CSMD1: variants seen among roughly 807,000 people sequenced by gnomAD.
CSMD1 encodes CUB and Sushi multiple domains 1, also known as CUB and sushi domain-containing protein 1.
CSMD1 carries 213 observed loss-of-function variants against 417.5 expected under a neutral mutation model. The ratio of observed to expected loss-of-function variants is 0.51; its 90% confidence interval spans 0.46 to 0.57. The LOEUF (loss-of-function observed/expected upper bound fraction) is 0.57. CSMD1 is among the 20% of genes least tolerant of loss of function. CSMD1 has a pLI of 0.00. For missense variants in CSMD1, 6,923 were observed against 4,529.7 expected, an observed-to-expected ratio of 1.53 and a Z score of -15.17; for synonymous variants, 2,862 against 1,736.8, an observed-to-expected ratio of 1.65 and a Z score of -16.11.
chr8:3,002,627 T>C (rs1272458827), intron 52 of CSMD1, among the ~76,000 whole-genome samples: 3 of 152,378 alleles, frequency 2.0e-5, no homozygotes, highest in African/African-American at 7.2e-5. Context: ...GGTCTCATTC[T>C]TGACTTAGAC....
intron 2 of CSMD1, among the ~76,000 whole-genome samples, chr8:4,547,641 T>C (rs992408129): frequency 2.6e-4 from 39 of 152,324 alleles, no homozygotes; most frequent in African/African-American, 9.1e-4. Context: ...TTAAACATTA[T>C]ACTCAATGAA....
chr8:4,394,286 G>A (rs1396099485), intron 3 of CSMD1, among the ~76,000 whole-genome samples: 2 of 152,056 alleles, frequency 1.3e-5, no homozygotes, highest in African/African-American at 4.8e-5. Flanking sequence ...TAATGAAGTT[G>A]AGTAAAAATG....
chr8:4,397,862 T>C (rs530826255), intron 3 of CSMD1, among the ~76,000 whole-genome samples: 6 of 152,256 alleles, frequency 3.9e-5, no homozygotes, highest in African/African-American at 1.4e-4. Flanking sequence ...TCTTTCTAAT[T>C]AAAACAATTT....
At chr8:4,700,809 G>A (rs1187775942) in intron 1 of CSMD1, among the ~76,000 whole-genome samples, 1 of 152,136 alleles carries the variant, frequency 6.6e-6, no homozygotes, top group Non-Finnish European at 1.5e-5. Context: ...CTGTAGAACG[G>A]ATTAGAGCAT....
chr8:2,948,869 A>G (rs74761517), intron 68 of CSMD1, among the ~76,000 whole-genome samples: 2,183 of 152,168 alleles, frequency 0.014, 49 homozygotes, highest in African/African-American at 0.048. Context: ...TGTCATTCTG[A>G]TAACTAAAAA....
chr8:4,629,562 T>G (rs1197285401), intron 2 of CSMD1, among the ~76,000 whole-genome samples: 1 of 152,222 alleles, frequency 6.6e-6, no homozygotes, highest in Non-Finnish European at 1.5e-5. Context: ...TTTTAACTTG[T>G]CGTTTGCCTT....
intron 5 of CSMD1, among the ~76,000 whole-genome samples, chr8:3,958,552 G>C (rs1008427947): frequency 2.0e-5 from 3 of 152,000 alleles, no homozygotes; most frequent in Admixed American, 6.6e-5. Context: ...CATTTACTGA[G>C]GTATCAATTT....
chr8:3,201,326 T>C (rs1224991178), intron 32 of CSMD1, among the ~76,000 whole-genome samples: 2 of 152,150 alleles, frequency 1.3e-5, no homozygotes, highest in Non-Finnish European at 2.9e-5. Flanking sequence ...ACACAGATGA[T>C]AGTTGATTAT....
intron 4 of CSMD1, among the ~76,000 whole-genome samples, chr8:4,028,593 C>T (rs1051141769): frequency 2.6e-5 from 4 of 152,142 alleles, no homozygotes; most frequent in Admixed American, 1.3e-4. Context: ...TACATGATGA[C>T]TTGCAGTGGA....
chr8:3,958,790 T>C (rs1355125944), intron 5 of CSMD1, among the ~76,000 whole-genome samples: 1 of 152,180 alleles, frequency 6.6e-6, no homozygotes, highest in Admixed American at 6.5e-5. Context: ...GGAACGACAT[T>C]ATGGCTTTAT....
chr8:3,495,948 A>G (rs910873364), intron 10 of CSMD1, among the ~76,000 whole-genome samples: 1 of 152,114 alleles, frequency 6.6e-6, no homozygotes, highest in Non-Finnish European at 1.5e-5. Flanking sequence ...CAGGATGTGC[A>G]GGTTTGGGAC....
intron 3 of CSMD1, among the ~76,000 whole-genome samples, chr8:4,097,091 G>A (rs917711594): frequency 6.6e-6 from 1 of 152,084 alleles, no homozygotes; most frequent in African/African-American, 2.4e-5. Context: ...ACTACAAAAA[G>A]AAGCACGGCT....
chr8:3,566,496 C>G (rs1403232548), intron 10 of CSMD1, among the ~76,000 whole-genome samples: 2 of 151,956 alleles, frequency 1.3e-5, no homozygotes, highest in African/African-American at 4.8e-5. Flanking sequence ...GGTGTGCTGT[C>G]AGTGTGCTCA....
chr8:3,762,742 C>A (rs1387940187), intron 5 of CSMD1, among the ~76,000 whole-genome samples: 1 of 152,148 alleles, frequency 6.6e-6, no homozygotes, highest in Non-Finnish European at 1.5e-5. Context: ...CAGGCCACAG[C>A]TCGGCTTGGT....
chr8:4,072,423 T>C (rs1162111362), intron 3 of CSMD1, among the ~76,000 whole-genome samples: 1 of 152,164 alleles, frequency 6.6e-6, no homozygotes, highest in Non-Finnish European at 1.5e-5. Context: ...CACCATTATA[T>C]TATTTCAATT....
chr8:3,280,501 A>G (rs919517230), intron 26 of CSMD1, among the ~76,000 whole-genome samples: 5 of 152,194 alleles, frequency 3.3e-5, no homozygotes, highest in African/African-American at 1.2e-4. Flanking sequence ...TCCTTCATTT[A>G]AATGCCTCAG....
chr8:4,030,425 A>C (rs1041026833), intron 4 of CSMD1, among the ~76,000 whole-genome samples: 1 of 152,214 alleles, frequency 6.6e-6, no homozygotes, highest in Non-Finnish European at 1.5e-5. Context: ...GAAGCTGCCA[A>C]GGCTTGAGGC....
chr8:4,245,204 T>C (rs1802631165), intron 3 of CSMD1, among the ~76,000 whole-genome samples: 2 of 152,296 alleles, frequency 1.3e-5, no homozygotes, highest in South Asian at 2.1e-4. Context: ...AACAAGTAAC[T>C]TACCACTGGT....
intron 4 of CSMD1, among the ~76,000 whole-genome samples, chr8:4,010,090 G>T (rs1816428843): frequency 6.6e-6 from 1 of 152,106 alleles, no homozygotes; most frequent in Admixed American, 6.5e-5. Flanking sequence ...AACTACTTCT[G>T]ACATATTTTC....
Sources: allele counts gnomAD v4.1 joint callset (sites outside exome capture counted in the v4.1 genomes callset), GRCh38; gene constraint gnomAD v4.1.1; transcripts MANE v1.5; gene names NCBI Gene and HGNC (gene_info 2026-07-23, HGNC 2026-07-21).